VPS53: variants seen among roughly 807,000 people sequenced by gnomAD.
The protein encoded by VPS53 is vacuolar protein sorting-associated protein 53 homolog.
A neutral mutation model predicts 107.0 loss-of-function variants in VPS53; 70 were observed. The ratio of observed to expected loss-of-function variants is 0.65; its 90% CI spans 0.54 to 0.80. The LOEUF (loss-of-function observed/expected upper bound fraction) is 0.80. Ranked by LOEUF, VPS53 falls within the 30% of genes least tolerant of loss-of-function variation. VPS53 has a pLI of 0.00. For missense variants in VPS53, 917 were observed against 1,049.4 expected, an observed-to-expected ratio of 0.87 and a Z score of 1.74; for synonymous variants, 409 against 393.3, an observed-to-expected ratio of 1.04 and a Z score of -0.47.
intron 4 of VPS53, among the ~76,000 whole-genome samples, chr17:672,033 G>A (rs146185083): frequency 3.0e-4 from 45 of 151,720 alleles, no homozygotes; most frequent in East Asian, 1.4e-3. Flanking sequence ...GTCCCAAGAA[G>A]TGAAACTGAG....
At chr17:635,432 T>C (rs1410436442) in intron 7 of VPS53, among the ~76,000 whole-genome samples, 1 of 152,258 alleles carries the variant, frequency 6.6e-6, no homozygotes, top group Non-Finnish European at 1.5e-5. Context: ...TGGCTTTTGT[T>C]GCCATTGCTT....
intron 13 of VPS53, among the ~76,000 whole-genome samples, chr17:580,488 C>A (rs1966953625): frequency 6.6e-6 from 1 of 150,502 alleles, no homozygotes; most frequent in African/African-American, 2.4e-5. Context: ...TCCCTCAGAA[C>A]CTAATGCATT....
chr17:538,770 T>A (rs1229074683), intron 17 of VPS53: 2 of 152,122 alleles, frequency 1.3e-5, no homozygotes, highest in Non-Finnish European at 2.9e-5. Context: ...GAAAAAGAAC[T>A]CTAATTTATT....
intron 4 of VPS53, among the ~76,000 whole-genome samples, chr17:679,377 G>A (rs1263308271): frequency 6.6e-6 from 1 of 152,000 alleles, no homozygotes; most frequent in East Asian, 1.9e-4. Context: ...AGCCAGGCGT[G>A]GTGGCGGCCA....
chr17:528,609 T>G (rs957429750), intron 19 of VPS53, among the ~76,000 whole-genome samples: 16 of 149,172 alleles, frequency 1.1e-4, no homozygotes, highest in Non-Finnish European at 2.2e-4. Flanking sequence ...TTTTTTTTTT[T>G]TTTTTTGAGA....
chr17:528,927 G>C (rs1241828862), intron 19 of VPS53, among the ~76,000 whole-genome samples: 1 of 152,054 alleles, frequency 6.6e-6, no homozygotes, highest in East Asian at 1.9e-4. Context: ...ATATATCTAG[G>C]AGTATAATTG....
At chr17:561,074 T>G (rs1437058534) in intron 14 of VPS53, among the ~76,000 whole-genome samples, 1 of 152,166 alleles carries the variant, frequency 6.6e-6, no homozygotes, top group Non-Finnish European at 1.5e-5. Context: ...AAGTCTGCAC[T>G]GGGACTCGTG....
At chr17:652,258 G>C (rs1202580740) in intron 7 of VPS53, among the ~76,000 whole-genome samples, 2 of 152,138 alleles carry the variant, frequency 1.3e-5, no homozygotes, top group African/African-American at 4.8e-5. Context: ...GCCTCCCAAA[G>C]TGCTGGGATT....
intron 20 of VPS53, among the ~76,000 whole-genome samples, chr17:521,286 C>T (rs1419124861): frequency 6.6e-6 from 1 of 152,202 alleles, no homozygotes; most frequent in Non-Finnish European, 1.5e-5. Context: ...CCTGAAATTC[C>T]TGCTGAGAAG....
chr17:559,792 T>C (rs1243940192), intron 15 of VPS53, among the ~76,000 whole-genome samples: 1 of 152,224 alleles, frequency 6.6e-6, no homozygotes, highest in Non-Finnish European at 1.5e-5. Context: ...CCAGACCAAG[T>C]GTGAAAAGGA....
chr17:576,608 C>A (rs76562521), intron 13 of VPS53, among the ~76,000 whole-genome samples: 2,354 of 151,966 alleles, frequency 0.015, 23 homozygotes, highest in Middle Eastern at 0.031. Flanking sequence ...AGAGAACTTC[C>A]CACAGAACCT....
In VPS53 at chr17:585,574, G is replaced by A. The variant is rs1277707489; in HGVS notation, c.1313+696C>T. On this transcript the variant is annotated intron_variant, in intron 13 of 21. Coordinates refer to ENST00000437048, the MANE Select transcript of VPS53 (RefSeq NM_001128159.3). ...GGAGGATTGCTTGAGCCCAGGAGAT[G>A]GAGGATGCAGTAAGTCATAATCTCA... Among the ~76,000 whole-genome samples the A allele has an allele frequency of 3.3e-5, 5 of 152,278 alleles. No homozygotes were observed. The East Asian group carries it at 9.6e-4, about 29-fold the overall frequency.
In VPS53 at chr17:697,809, C is replaced by T. The variant is rs563538276; in HGVS notation, c.219-325G>A. 3.3e-5 allele frequency among the ~76,000 whole-genome samples: 5 copies of T among 152,274 alleles called. No homozygotes were observed. The East Asian group carries it at 9.7e-4, about 29-fold the overall frequency. On this transcript the variant is annotated intron_variant, in intron 3 of 21. Coordinates refer to ENST00000437048, the MANE Select transcript of VPS53 (RefSeq NM_001128159.3). ...GAATGACAAAGTTCCGGAGCCTTTACGTGAACATGCCAGATAACTCAAATT... is the reference window on the plus strand; with the variant it reads ...GAATGACAAAGTTCCGGAGCCTTTATGTGAACATGCCAGATAACTCAAATT...
At chr17:540,887 C>CT (rs1023778737) in intron 17 of VPS53, among the ~76,000 whole-genome samples, 1 of 152,158 alleles carries the variant, frequency 6.6e-6, no homozygotes, top group African/African-American at 2.4e-5. Context: ...CACAGTGGGG[C>CT]TGGGGGGTCA....
At position 532,875 on chromosome 17, in the gene VPS53, C is replaced by T. The variant is rs778819267; in HGVS notation, c.2052G>A (p.Lys684=). Residue 684 remains lysine, a synonymous_variant, in exon 19 of 22, where the codon AAG becomes AAA. Coordinates refer to ENST00000437048, the MANE Select transcript of VPS53 (RefSeq NM_001128159.3). ...CTCCCACCATGCTAATTGGCTTGCA[C>T]TTGAAGAGGTGGGTGATGAATTTGG... ...FIPKFITHLF[K]CKPISMVGAE... 1.9e-6 allele frequency: 3 copies of T among 1,614,040 alleles called. No individual in the cohort carries two copies. Among genetic ancestry groups the T allele is most frequent in the Admixed American group, 3.3e-5 (2 of 60,008 alleles).
At position 623,768 on chromosome 17, in the gene VPS53, A is replaced by G; in HGVS notation, c.975-94T>C. Reference sequence around the variant, plus strand: ...GGCCTTAGCTTATATTCAGAAAAAAAAAATGTATGTGGTCATTTCAAACCC... The same window carrying G: ...GGCCTTAGCTTATATTCAGAAAAAAGAAATGTATGTGGTCATTTCAAACCC... On this transcript the variant is annotated intron_variant, in intron 10 of 21. Coordinates refer to ENST00000437048, the MANE Select transcript of VPS53 (RefSeq NM_001128159.3). The G allele has an allele frequency of 3.6e-6, 5 of 1,377,460 alleles. 1 individual carries two copies. The South Asian group carries it at 7.9e-5, about 22-fold the overall frequency. The allele number at this position is 1,377,460 out of a possible 1,614,324, so 85.3% of individuals were successfully genotyped here.
intron 13 of VPS53, among the ~76,000 whole-genome samples, chr17:580,522 T>C (rs145754856): frequency 0.016 from 2,338 of 148,504 alleles, 23 homozygotes; most frequent in Middle Eastern, 0.03. Flanking sequence ...CCTCAGAACC[T>C]AATTCCTTCC....
chr17:562,809 C>T (rs887648194), intron 13 of VPS53, 64 bp from the exon 14 acceptor site: 7 of 1,551,866 alleles, frequency 4.5e-6, no homozygotes, highest in Middle Eastern at 1.9e-4. Flanking sequence ...CAAATGTGCT[C>T]GTTTGCAATG....
intron 7 of VPS53, among the ~76,000 whole-genome samples, chr17:642,024 G>A (rs1039056907): frequency 3.3e-5 from 5 of 152,202 alleles, no homozygotes; most frequent in Admixed American, 3.3e-4. Context: ...GGGAGTCACA[G>A]ACAGACAGCA....
Sources: gnomAD v4.1 joint callset for allele counts (sites outside exome capture counted in the v4.1 genomes callset) on GRCh38, gnomAD v4.1.1 for gene constraint, MANE v1.5 for transcripts, NCBI Gene and HGNC (gene_info 2026-07-23, HGNC 2026-07-21) for gene names.